The following ADAMTSL1 variants were observed in gnomAD, a reference collection of about 807,000 sequenced individuals.
ADAMTSL1 encodes ADAMTS-like protein 1.
Under a neutral mutation model 201.8 loss-of-function variants are expected in ADAMTSL1, and 126 were observed. That is an observed-to-expected ratio of 0.62 (90% confidence interval 0.54 to 0.72). The LOEUF is 0.72. ADAMTSL1 is among the 30% of genes least tolerant of loss of function. The probability of loss-of-function intolerance (pLI) is 0.00; values close to 1 mark genes in which losing one functional copy is unlikely to be tolerated. For missense variants in ADAMTSL1, 2,679 were observed against 2,277.8 expected (o/e 1.18, Z -3.59); for synonymous variants, 1,121 against 903.4 (o/e 1.24, Z -4.32).
At chr9:18,428,382 G>A (rs1188316610) in intron 2 of ADAMTSL1, among the ~76,000 whole-genome samples, 3 of 147,030 alleles carry the variant, frequency 2.0e-5, no homozygotes, top group Non-Finnish European at 4.5e-5. Flanking sequence ...AGGATTGCTT[G>A]AGGCCAGGAG....
At chr9:18,174,180 G>A (rs186764454) in intron 2 of ADAMTSL1, among the ~76,000 whole-genome samples, 3 of 152,230 alleles carry the variant, frequency 2.0e-5, no homozygotes, top group Admixed American at 2.0e-4. Context: ...TTAATATAAA[G>A]AGCAAATTCA....
At chr9:17,977,977 A>G (rs573739602) in intron 1 of ADAMTSL1, among the ~76,000 whole-genome samples, 2 of 152,134 alleles carry the variant, frequency 1.3e-5, no homozygotes, top group African/African-American at 4.8e-5. Context: ...CTTTATATTC[A>G]TATGGGTGCT....
At chr9:18,893,182 G>T (rs978213877) in intron 26 of ADAMTSL1, among the ~76,000 whole-genome samples, 1 of 151,862 alleles carries the variant, frequency 6.6e-6, no homozygotes, top group East Asian at 1.9e-4. Context: ...GGGGAATATC[G>T]TCTTTCTCCT....
At chr9:18,232,692 A>C (rs541847029) in intron 2 of ADAMTSL1, among the ~76,000 whole-genome samples, 1 of 152,244 alleles carries the variant, frequency 6.6e-6, no homozygotes, top group South Asian at 2.1e-4. Flanking sequence ...GCTCTGAATC[A>C]TTCTGACAAA....
At chr9:18,046,557 T>G (rs1821667131) in intron 1 of ADAMTSL1, among the ~76,000 whole-genome samples, 1 of 152,186 alleles carries the variant, frequency 6.6e-6, no homozygotes, top group South Asian at 2.1e-4. Context: ...GGTGACCATG[T>G]GTCCAGCTAA....
intron 1 of ADAMTSL1, among the ~76,000 whole-genome samples, chr9:18,099,355 A>ATATATATATATATATATATATAT (rs1239180390): frequency 1.3e-4 from 6 of 45,546 alleles, no homozygotes; most frequent in Non-Finnish European, 2.4e-4. Flanking sequence ...ATATATATAT[A>ATATATATATATATATATATATAT]TTTTTTTTTT....
chr9:18,220,261 T>C (rs1462510142), intron 2 of ADAMTSL1, among the ~76,000 whole-genome samples: 2 of 152,216 alleles, frequency 1.3e-5, no homozygotes, highest in South Asian at 2.1e-4. Context: ...GGAACTGTTT[T>C]GCTCTTACAT....
At chr9:18,045,991 G>A (rs1821644006) in intron 1 of ADAMTSL1, among the ~76,000 whole-genome samples, 1 of 152,094 alleles carries the variant, frequency 6.6e-6, no homozygotes, top group Non-Finnish European at 1.5e-5. Context: ...ATAAAGTACT[G>A]GTTTCTCTGG....
intron 2 of ADAMTSL1, among the ~76,000 whole-genome samples, chr9:18,406,742 A>T (rs1223675377): frequency 6.6e-6 from 1 of 152,158 alleles, no homozygotes; most frequent in Non-Finnish European, 1.5e-5. Flanking sequence ...TATCTATTGT[A>T]TTCTACTCAT....
chr9:17,931,292 C>T (rs1023967471), intron 1 of ADAMTSL1, among the ~76,000 whole-genome samples: 3 of 152,124 alleles, frequency 2.0e-5, no homozygotes, highest in Admixed American at 6.6e-5. Context: ...TTTGTGGCCT[C>T]TCTCTTAACT....
chr9:18,675,305 A>T (rs1830072850), intron 9 of ADAMTSL1, among the ~76,000 whole-genome samples: 1 of 152,168 alleles, frequency 6.6e-6, no homozygotes, highest in African/African-American at 2.4e-5. Context: ...CCCTTATAAA[A>T]TACCCAAGTG....
chr9:18,712,943 T>G (rs1320099230), intron 14 of ADAMTSL1, among the ~76,000 whole-genome samples: 1 of 150,176 alleles, frequency 6.7e-6, no homozygotes. Context: ...GGGGCCAATA[T>G]TCAACATTCT....
At chr9:17,986,291 A>G (rs1399162321) in intron 1 of ADAMTSL1, among the ~76,000 whole-genome samples, 1 of 151,634 alleles carries the variant, frequency 6.6e-6, no homozygotes, top group Non-Finnish European at 1.5e-5. Flanking sequence ...ATGACCACCT[A>G]CTCTCCTTAG....
intron 2 of ADAMTSL1, among the ~76,000 whole-genome samples, chr9:18,171,532 G>A (rs1027720405): frequency 6.6e-6 from 1 of 151,870 alleles, no homozygotes; most frequent in Non-Finnish European, 1.5e-5. Context: ...TACATAACTG[G>A]CAAAAAAATA....
rs553398083 is a variant in ADAMTSL1 at position 18,527,650 on chromosome 9, A to G, written c.192-5597A>G. On this transcript the variant is annotated intron_variant, in intron 2 of 28. Coordinates refer to ENST00000380548, the MANE Select transcript of ADAMTSL1 (RefSeq NM_001040272.6). Reference sequence around the variant, plus strand: ...AGGATTTTAAGAAGTGGAAGTTTAGATGGTGTATTATGCGTTAATGAGAGA... The same window carrying G: ...AGGATTTTAAGAAGTGGAAGTTTAGGTGGTGTATTATGCGTTAATGAGAGA... Among the ~76,000 whole-genome samples, 11 of 152,282 alleles carry G rather than the reference A, an allele frequency of 7.2e-5. 1 individual carries two copies. In the South Asian group the frequency reaches 2.1e-3, roughly 29 times the overall value.
In ADAMTSL1 at chr9:18,100,008, T is replaced by G. The variant is rs1824447617; in HGVS notation, c.88-63854T>G. 2.0e-5 allele frequency among the ~76,000 whole-genome samples: 3 copies of G among 152,298 alleles called. No homozygotes were observed. In the South Asian group the frequency reaches 6.2e-4, roughly 32 times the overall value. On this transcript the variant is annotated intron_variant, in intron 1 of 29. Transcript: ENST00000680146. ...TTCGTTTTATTTCTGATATAATTAT[T>G]CTTCTTAATTTTTTTCTAAGTGCAG... is the stretch of plus-strand genomic sequence containing the variant.
intron 1 of ADAMTSL1, among the ~76,000 whole-genome samples, chr9:17,963,390 A>G (rs1434745434): frequency 6.6e-6 from 1 of 152,198 alleles, no homozygotes; most frequent in Non-Finnish European, 1.5e-5. Context: ...AAGTTAGAGC[A>G]CAGCTAGTAG....
chr9:17,975,715 T>G (rs1470580245), intron 1 of ADAMTSL1, among the ~76,000 whole-genome samples: 1 of 152,066 alleles, frequency 6.6e-6, no homozygotes, highest in Admixed American at 6.6e-5. Context: ...GCACAGAAAT[T>G]TTTTAGTTTG....
intron 2 of ADAMTSL1, among the ~76,000 whole-genome samples, chr9:18,181,223 T>C (rs945620624): frequency 1.3e-5 from 2 of 152,206 alleles, no homozygotes; most frequent in African/African-American, 4.8e-5. Context: ...GACATAGGCA[T>C]GGGCAAGGAC....
Sources: allele counts gnomAD v4.1 joint callset (sites outside exome capture counted in the v4.1 genomes callset), GRCh38; gene constraint gnomAD v4.1.1; transcripts MANE v1.5; gene names NCBI Gene and HGNC (gene_info 2026-07-23, HGNC 2026-07-21).